The following SPIRE1 variants were observed in gnomAD, a reference collection of about 807,000 sequenced individuals.
The protein encoded by SPIRE1 is protein spire homolog 1.
A neutral mutation model predicts 94.1 loss-of-function variants in SPIRE1; 40 were observed. That is an observed-to-expected ratio of 0.43 (90% CI 0.33 to 0.55). The LOEUF (loss-of-function observed/expected upper bound fraction) is 0.55. Ranked by LOEUF, SPIRE1 falls within the 20% of genes least tolerant of loss-of-function variation. The pLI is 0.06. For missense variants in SPIRE1, 838 were observed against 975.2 expected (o/e 0.86, Z 1.87); for synonymous variants, 376 against 371.7 (o/e 1.01, Z -0.13).
intron 7 of SPIRE1, among the ~76,000 whole-genome samples, chr18:12,494,674 A>AG (rs1344848831): frequency 1.2e-4 from 18 of 151,162 alleles, no homozygotes; most frequent in Non-Finnish European, 5.9e-5. Flanking sequence ...CTAAAAAAAA[A>AG]AAAATACAAA....
intron 2 of SPIRE1, among the ~76,000 whole-genome samples, chr18:12,587,373 A>G (rs1301956361): frequency 2.0e-5 from 3 of 151,154 alleles, no homozygotes; most frequent in Non-Finnish European, 4.4e-5. Flanking sequence ...CTCTGTAATA[A>G]GACAATGCCA....
At chr18:12,596,161 A>T (rs907673191) in intron 2 of SPIRE1, among the ~76,000 whole-genome samples, 7 of 152,212 alleles carry the variant, frequency 4.6e-5, no homozygotes, top group Non-Finnish European at 7.3e-5. Context: ...TTTCAAGTAA[A>T]GTGAAATAGC....
At chr18:12,658,429 G>C, upstream of SPIRE1, 1 of 401,296 alleles carries the variant, frequency 2.5e-6, no homozygotes, top group Non-Finnish European at 5.2e-6. Context: ...ACGCGGGGCC[G>C]GGCGCGCGGT....
rs117810441 is a variant in SPIRE1, at chr18:12,611,331, A to G, written c.372+23731T>C. Among the ~76,000 whole-genome samples, 691 of 152,282 alleles carry G rather than the reference A, an allele frequency of 4.5e-3. 5 individuals are homozygous for G. The highest frequency in any genetic ancestry group is 0.016 in the South Asian group (76 of 4,832). ...GAATAACGGAATGTAACTTCCATAC[A>G]TGGTAGCTTCTCTCTATATATCTTG... On this transcript the variant is annotated intron_variant, in intron 2 of 16. Transcript: ENST00000409402.
chr18:12,480,683 T>C (rs1238189977), intron 9 of SPIRE1, among the ~76,000 whole-genome samples: 1 of 152,192 alleles, frequency 6.6e-6, no homozygotes, highest in African/African-American at 2.4e-5. Context: ...AGTGGCACCA[T>C]GGTGTCATGC....
chr18:12,632,764 T>C (rs2037818333), intron 2 of SPIRE1, among the ~76,000 whole-genome samples: 2 of 152,162 alleles, frequency 1.3e-5, no homozygotes, highest in South Asian at 4.1e-4. Flanking sequence ...GTGACCTATG[T>C]TATGGATCAA....
chr18:12,501,817 C>T (rs1346531300), intron 6 of SPIRE1, among the ~76,000 whole-genome samples: 3 of 152,062 alleles, frequency 2.0e-5, no homozygotes, highest in South Asian at 2.1e-4. Flanking sequence ...AAAGGAATTG[C>T]CATATGTGGT....
chr18:12,547,505 G>A (rs569653739), intron 2 of SPIRE1, among the ~76,000 whole-genome samples: 48 of 152,172 alleles, frequency 3.2e-4, no homozygotes, highest in African/African-American at 1.1e-3. Flanking sequence ...ATACCACCTC[G>A]ACAACTGCTC....
chr18:12,639,264 CA>C (rs34966222), intron 1 of SPIRE1, among the ~76,000 whole-genome samples: 12,080 of 144,572 alleles, frequency 0.084, 630 homozygotes, highest in Middle Eastern at 0.17. Context: ...CACTCCATCT[CA>C]AAAAAAAAAA....
chr18:12,525,296 A>AAAAAAAAT (rs1555619713), intron 4 of SPIRE1, among the ~76,000 whole-genome samples: 64 of 120,144 alleles, frequency 5.3e-4, no homozygotes, highest in African/African-American at 2.0e-3. Context: ...AAAAAAAAAA[A>AAAAAAAAT]AATAATAATA....
At chr18:12,564,041 G>A (rs913294005) in intron 2 of SPIRE1, among the ~76,000 whole-genome samples, 7 of 151,944 alleles carry the variant, frequency 4.6e-5, no homozygotes, top group African/African-American at 1.7e-4. Context: ...TGCATAAAAG[G>A]GGCTTTTCAT....
At chr18:12,451,607 G>A (rs916282551) in intron 16 of SPIRE1, among the ~76,000 whole-genome samples, 10 of 152,196 alleles carry the variant, frequency 6.6e-5, no homozygotes, top group African/African-American at 1.9e-4. Context: ...TTCATGCTGG[G>A]CTCACAGCTT....
At chr18:12,553,254 T>C (rs2035407996) in intron 2 of SPIRE1, among the ~76,000 whole-genome samples, 1 of 152,086 alleles carries the variant, frequency 6.6e-6, no homozygotes. Flanking sequence ...CACAGTGGGG[T>C]AGAGCACCAA....
chr18:12,658,034 A>G lies in SPIRE1; in HGVS notation c.-168T>C, dbSNP rs2144925422. The G allele has an allele frequency of 1.0e-6, 1 of 992,482 alleles. No homozygotes were observed. The highest frequency in any genetic ancestry group is 1.2e-6 in the Non-Finnish European group (1 of 835,866). The allele number at this position is 992,482 out of a possible 1,614,324, so 61.5% of individuals were successfully genotyped here. A position where few individuals can be genotyped will look rare whatever the true frequency, so the allele number is the denominator to read the frequency against. On this transcript the variant is annotated 5_prime_UTR_variant, in exon 1 of 17. Coordinates refer to ENST00000409402, the MANE Select transcript of SPIRE1 (RefSeq NM_001128626.2). ...AGGCGAGTGCCCGGGAGGCGTGGGCAAGAGGAGGGCGGCGAGGACACGGCT... is the reference window on the plus strand; with the variant it reads ...AGGCGAGTGCCCGGGAGGCGTGGGCGAGAGGAGGGCGGCGAGGACACGGCT...
rs576113070 is a variant in SPIRE1 at position 12,643,900 on chromosome 18, A to C, written c.338-8804T>G. Among the ~76,000 whole-genome samples, 21 of 152,048 alleles carry C rather than the reference A, an allele frequency of 1.4e-4. No homozygotes were observed. The South Asian group carries it at 4.2e-3, about 30-fold the overall frequency. ...ATGAAAAGATCATTAATTAAAGAAG[A>C]AAGTCAAGCTGAGCACTGTGACTCA... is the stretch of plus-strand genomic sequence containing the variant. On this transcript the variant is annotated intron_variant, in intron 1 of 16. Coordinates refer to ENST00000409402, the MANE Select transcript of SPIRE1 (RefSeq NM_001128626.2).
chr18:12,470,944 T>C (rs1268478205), intron 10 of SPIRE1, among the ~76,000 whole-genome samples: 1 of 151,410 alleles, frequency 6.6e-6, no homozygotes, highest in East Asian at 1.9e-4. Flanking sequence ...ACTGCCAGAG[T>C]ATAGTTTCAG....
intron 1 of SPIRE1, among the ~76,000 whole-genome samples, chr18:12,644,170 G>C (rs887802157): frequency 7.3e-6 from 1 of 137,768 alleles, no homozygotes; most frequent in Non-Finnish European, 1.5e-5. Context: ...CTGCACTCCA[G>C]CCTAGGTGAC....
chr18:12,512,376 G>A, intron 5 of SPIRE1, 78 bp downstream of exon 5: 3 of 987,198 alleles, frequency 3.0e-6, no homozygotes, highest in South Asian at 1.5e-5. Context: ...AACAGAATGA[G>A]ACTCTGTCTC....
At chr18:12,587,554 T>G (rs763059491) in intron 2 of SPIRE1, among the ~76,000 whole-genome samples, 9 of 151,080 alleles carry the variant, frequency 6.0e-5, no homozygotes, top group Non-Finnish European at 1.3e-4. Context: ...AACAGCTGAT[T>G]CATCAAGGTG....
Sources: allele counts gnomAD v4.1 joint callset (sites outside exome capture counted in the v4.1 genomes callset), GRCh38; gene constraint gnomAD v4.1.1; transcripts MANE v1.5; gene names NCBI Gene and HGNC (gene_info 2026-07-23, HGNC 2026-07-21).